The following MAN2B1 variants were observed in gnomAD, a reference collection of about 807,000 sequenced individuals.
MAN2B1 encodes lysosomal alpha-mannosidase.
A neutral mutation model predicts 127.5 loss-of-function variants in MAN2B1; 99 were observed. The ratio of observed to expected loss-of-function variants is 0.78; its 90% confidence interval spans 0.66 to 0.92. The LOEUF (loss-of-function observed/expected upper bound fraction) is 0.92. MAN2B1 is among the 40% of genes least tolerant of loss of function. The pLI is 0.00. For synonymous variants in MAN2B1, 573 were observed against 568.8 expected (o/e 1.01, Z -0.11); for missense variants, 1,304 against 1,384.8 (o/e 0.94, Z 0.93).
In MAN2B1 at chr19:12,665,494, C is replaced by G; in HGVS notation, c.294G>C (p.Gln98His). ...IKNDIQHAGV[Q>H]YILDSVISAL... ...CAGAGATGACCGAGTCCAGGATGTA[C>G]TGCACACCGGCGTGCTGGATGTCAT... The change falls in exon 3 of 24, where the codon CAG becomes CAC. Residue 98 changes from glutamine to histidine, a missense_variant. By Grantham distance (24) the Gln-to-His change is conservative (BLOSUM62 0). Transcript: ENST00000456935. 6.2e-7 allele frequency: 1 copy of G among 1,614,194 alleles called. No homozygotes were observed. Among genetic ancestry groups the G allele is most frequent in the Non-Finnish European group, 8.5e-7 (1 of 1,180,050 alleles).
chr19:12,657,737 T>C, intron 10 of MAN2B1, 182 bp from the exon 11 acceptor site: 2 of 654,954 alleles, frequency 3.1e-6, no homozygotes, highest in Non-Finnish European at 5.5e-6. Context: ...GGCGGGCGGA[T>C]CACGAGGTCA....
chr19:12,656,369 AAAAG>A, intron 13 of MAN2B1, 198 bp downstream of exon 13: 1 of 569,442 alleles, frequency 1.8e-6, no homozygotes, highest in South Asian at 2.2e-5. Context: ...AAAAAAAAAA[AAAAG>A]GGAGGACCAC....
At position 12,656,166 on chromosome 19, in the gene MAN2B1, G is replaced by C; in HGVS notation, c.1645-287C>G. The C allele has an allele frequency of 6.5e-6, 3 of 465,000 alleles. No individual in the cohort carries two copies. In the East Asian group the frequency reaches 1.2e-4, roughly 18 times the overall value. The allele number at this position is 465,000 out of a possible 1,614,324, so 28.8% of individuals were successfully genotyped here. On this transcript the variant is annotated intron_variant, in intron 13 of 23. Coordinates refer to ENST00000456935, the MANE Select transcript of MAN2B1 (RefSeq NM_000528.4). ...GGTTCTCGGGGGAGGAAGAGGTTTG[G>C]GGGAGGACGTTTTCTGGAATGAAGG...
intron 16 of MAN2B1, among the ~76,000 whole-genome samples, chr19:12,650,692 CAG>C (rs1221766634): frequency 7.0e-6 from 1 of 143,568 alleles, no homozygotes; most frequent in Non-Finnish European, 1.5e-5. Flanking sequence ...TTTTTTGAGA[CAG>C]AGTTTTGCTC....
rs757417272 is a variant in MAN2B1 at position 12,663,395 on chromosome 19, C to T, written c.831G>A (p.Pro277=). The part of the protein sequence containing the change: ...LCWDVLCVDQ[P]LVEDPRSPEY... ...CGGGGCTGCGAGGGTCCTCCACCAG[C>T]GGCTGATCGACACACAGCACATCCC... The change falls in exon 6 of 24, where the codon CCG becomes CCA. Residue 277 remains proline, a synonymous_variant. Transcript: ENST00000456935. 9 of 1,613,894 alleles carry T rather than the reference C, an allele frequency of 5.6e-6. No homozygotes were observed. Among genetic ancestry groups the T allele is most frequent in the Middle Eastern group, 1.6e-4 (1 of 6,082 alleles).
In MAN2B1 at chr19:12,661,320, A is replaced by G. The variant is rs762918325; in HGVS notation, c.966T>C (p.Tyr322=). 4.2e-5 allele frequency: 67 copies of G among 1,613,394 alleles called. No homozygotes were observed. The highest frequency in any genetic ancestry group is 5.4e-5 in the Non-Finnish European group (64 of 1,179,446). ...TCTTGAACCACATGTTGGCATTCTC[A>G]TATTGGAAGTCCGAGCCCATGGTCA... ...TVMTMGSDFQ[Y]ENANMWFKNL... Residue 322 remains tyrosine (Y), a synonymous_variant, in exon 7 of 24, where the codon TAT becomes TAC. Transcript: ENST00000456935.
intron 4 of MAN2B1, among the ~76,000 whole-genome samples, chr19:12,664,257 CAGAG>C (rs1568307524): frequency 6.6e-6 from 1 of 152,168 alleles, no homozygotes; most frequent in Non-Finnish European, 1.5e-5. Context: ...AGGGCTGAAA[CAGAG>C]AGGCCTCCAG....
chr19:12,657,815 C>T (rs1049031443), intron 10 of MAN2B1: 4 of 607,878 alleles, frequency 6.6e-6, no homozygotes, highest in Non-Finnish European at 5.8e-6. Flanking sequence ...ATTAGCCGGG[C>T]GTGGTGGTGG....
chr19:12,646,549 A>G lies in MAN2B1; in HGVS notation c.*71T>C. 8.5e-7 allele frequency: 1 copy of G among 1,176,476 alleles called. No homozygotes were observed. Among genetic ancestry groups the G allele is most frequent in the African/African-American group, 1.5e-5 (1 of 66,372 alleles). 72.9% of individuals were successfully genotyped at this position (1,176,476 alleles called of 1,614,324 possible). A position where few individuals can be genotyped will look rare whatever the true frequency, so the allele number is the denominator to read the frequency against. On this transcript the variant is annotated 3_prime_UTR_variant, in exon 24 of 24. Coordinates refer to ENST00000456935, the MANE Select transcript of MAN2B1 (RefSeq NM_000528.4). ...GTAGCGTTTTAATGGCAGCAGCCCCAAGAGGAGAGTCAGAGTCTGGTCTGC... is the reference window on the plus strand; with the variant it reads ...GTAGCGTTTTAATGGCAGCAGCCCCGAGAGGAGAGTCAGAGTCTGGTCTGC...
intron 7 of MAN2B1, among the ~76,000 whole-genome samples, chr19:12,659,296 A>C (rs2024047299): frequency 7.2e-6 from 1 of 139,178 alleles, no homozygotes; most frequent in African/African-American, 2.7e-5. Context: ...TGCTCAATAA[A>C]CTTTTTTTTT....
Position 12,665,719 on chromosome 19 carries a change from G to C in MAN2B1, c.246C>G (p.Asp82Glu). The C allele has an allele frequency of 6.2e-7, 1 of 1,614,136 alleles. No homozygotes were observed. Among genetic ancestry groups the C allele is most frequent in the Non-Finnish European group, 8.5e-7 (1 of 1,180,012 alleles). Residue 82 changes from aspartate (D) to glutamate (E), a missense_variant, in exon 2 of 24, where the codon GAC becomes GAG. Transcript: ENST00000456935. Reference protein sequence around the residue: ...HDDVGWLKTVDQYFYGIKNDI... With the variant: ...HDDVGWLKTVEQYFYGIKNDI... Reference sequence around the variant, plus strand: ...TCTACTCACTTCCATAAAAGTACTGGTCCACGGTTTTGAGCCAGCCCACGT... The same window carrying C: ...TCTACTCACTTCCATAAAAGTACTGCTCCACGGTTTTGAGCCAGCCCACGT...
chr19:12,653,079 C>A (rs754218165), intron 14 of MAN2B1, among the ~76,000 whole-genome samples: 4 of 150,906 alleles, frequency 2.7e-5, no homozygotes, highest in Non-Finnish European at 5.9e-5. Context: ...GGTAATCCAC[C>A]CGCCTTGGCC....
rs540574812 is a variant in MAN2B1 at position 12,655,128 on chromosome 19, C to T, written c.1830+566G>A. On this transcript the variant is annotated intron_variant, in intron 14 of 23. Coordinates refer to ENST00000456935, the MANE Select transcript of MAN2B1 (RefSeq NM_000528.4). ...ACAACTCCTGGGCTCAAGTGATCCT[C>T]CCGCTTCAGCCTCCCAAAGAGCTAG... is the stretch of plus-strand genomic sequence containing the variant. 6.6e-5 allele frequency among the ~76,000 whole-genome samples: 10 copies of T among 152,252 alleles called. No homozygotes were observed. In the South Asian group the frequency reaches 2.1e-3, roughly 32 times the overall value.
At chr19:12,660,536 G>C (rs2145269626) in intron 7 of MAN2B1, among the ~76,000 whole-genome samples, 1 of 152,198 alleles carries the variant, frequency 6.6e-6, no homozygotes, top group South Asian at 2.1e-4. Context: ...GAGAGAGGCA[G>C]AAGAGGTGAG....
Position 12,652,219 on chromosome 19 carries a change from G to A in MAN2B1, c.1980C>T (p.Tyr660=), listed in dbSNP as rs564693678. 8.1e-6 allele frequency: 13 copies of A among 1,614,160 alleles called. No individual in the cohort carries two copies. The South Asian group carries it at 1.2e-4, about 15-fold the overall frequency. Residue 660 remains tyrosine (Y), a synonymous_variant, in exon 16 of 24, where the codon TAC becomes TAT. Transcript: ENST00000456935. ...DNESDQASGA[Y]IFRPNQQKPL... Reference sequence around the variant, plus strand: ...GTTTCTGTTGGTTGGGTCTGAAGATGTAGGCACCTGAGGCCTGGTCACTTT... The same window carrying A: ...GTTTCTGTTGGTTGGGTCTGAAGATATAGGCACCTGAGGCCTGGTCACTTT...
In MAN2B1 at chr19:12,648,305, A is replaced by T. The variant is rs776299948; in HGVS notation, c.2534T>A (p.Leu845Gln). The T allele has an allele frequency of 6.2e-7, 1 of 1,613,146 alleles. No homozygotes were observed. The highest frequency in any genetic ancestry group is 1.7e-5 in the Admixed American group (1 of 60,006). Residue 845 changes from leucine (L) to glutamine (Q), a missense_variant, in exon 21 of 24, where the codon CTG becomes CAG. By Grantham distance (113) the Leu-to-Gln change is moderately radical. Transcript: ENST00000456935. ...GGCTGCAGCCTGGGCTGTGTCCAGC[A>T]GCACCAGGTGGCGCCCTCGCACCCA... Reference protein sequence around the residue: ...GAWVRGRHLVLLDTAQAAAAG... With the variant: ...GAWVRGRHLVQLDTAQAAAAG...
At chr19:12,649,797 T>C (rs1341214171) in intron 18 of MAN2B1, 116 bp downstream of exon 18, 3 of 922,828 alleles carry the variant, frequency 3.3e-6, no homozygotes, top group Non-Finnish European at 5.3e-6. Flanking sequence ...CCCCCGCCCT[T>C]CACTCTCCCT....
Position 12,655,888 on chromosome 19 carries a change from AAGG to A in MAN2B1, c.1645-12_1645-10del, listed in dbSNP as rs2023943075. On this transcript the variant is annotated splice_polypyrimidine_tract_variant and intron_variant, in intron 13 of 23. Coordinates refer to ENST00000456935, the MANE Select transcript of MAN2B1 (RefSeq NM_000528.4). The stretch of plus-strand genomic sequence containing the variant: ...CTGGGAAATATTACCACCTCGGATA[AAGG>A]AGGAGGGAAACTGAGTCAAGAGTAC... 2 of 1,612,948 alleles carry A rather than the reference AAGG, an allele frequency of 1.2e-6. No individual in the cohort carries two copies. Among genetic ancestry groups the A allele is most frequent in the East Asian group, 2.2e-5 (1 of 44,858 alleles).
rs1406149211 is a variant in MAN2B1, at chr19:12,648,354, G to A, written c.2485C>T (p.Leu829=). The change falls in exon 21 of 24, where the codon CTA becomes TTA. Residue 829 remains leucine (L), a synonymous_variant. Transcript: ENST00000456935. The part of the protein sequence containing the change: ...KDDGRGVSEP[L]MENGSGAWVR... Reference sequence around the variant, plus strand: ...CACGCCCCCGACCCGTTCTCCATTAGTGGCTCCGATACTCCGCGTCCATCG... The same window carrying A: ...CACGCCCCCGACCCGTTCTCCATTAATGGCTCCGATACTCCGCGTCCATCG... 4.0e-5 allele frequency: 64 copies of A among 1,613,788 alleles called. No individual in the cohort carries two copies. The highest frequency in any genetic ancestry group is 5.3e-5 in the Non-Finnish European group (63 of 1,179,866).
Sources: allele counts gnomAD v4.1 joint callset (sites outside exome capture counted in the v4.1 genomes callset), GRCh38; gene constraint gnomAD v4.1.1; transcripts MANE v1.5; gene names NCBI Gene and HGNC (gene_info 2026-07-23, HGNC 2026-07-21).